The following SEPTIN14 variants were observed in gnomAD, a reference collection of about 807,000 sequenced individuals.
SEPTIN14 encodes septin-14.
In SEPTIN14, 40 loss-of-function variants were observed where a neutral mutation model predicts 53.6. That is an observed-to-expected ratio of 0.75 (90% confidence interval 0.58 to 0.97). The LOEUF (loss-of-function observed/expected upper bound fraction) is 0.97. Among genes scored for constraint, SEPTIN14 ranks in the 50% least tolerant of loss-of-function variants. The pLI is 0.00. For missense variants in SEPTIN14, 471 were observed against 508.2 expected (o/e 0.93, Z 0.70); for synonymous variants, 138 against 166.8 (o/e 0.83, Z 1.33).
At chr7:55,798,575 G>C (rs1788472440) in intron 9 of SEPTIN14, 2 of 383,270 alleles carry the variant, frequency 5.2e-6, no homozygotes, top group African/African-American at 4.2e-5. Context: ...TTCTGAGAAG[G>C]ATGGACGCAG....
chr7:55,840,814 T>C (rs1789297123), intron 5 of SEPTIN14, among the ~76,000 whole-genome samples: 1 of 152,180 alleles, frequency 6.6e-6, no homozygotes, highest in Admixed American at 6.6e-5. Context: ...TAATGGCATT[T>C]CAGTAAATGA....
Position 55,804,359 on chromosome 7 carries a change from A to G in SEPTIN14, c.1119+899T>C, listed in dbSNP as rs188957169. On this transcript the variant is annotated intron_variant, in intron 9 of 9. Transcript: ENST00000388975. ...CTGCAACCTCCACCTACTGGGTTCA[A>G]GCGATTCTCCTACCTCAGCCTCCCG... 7.5e-3 allele frequency among the ~76,000 whole-genome samples: 1,136 copies of G among 151,312 alleles called. 48 individuals are homozygous for G. Among genetic ancestry groups the G allele is most frequent in the Admixed American group, 0.068 (1,026 of 15,122 alleles).
chr7:55,819,561 C>G (rs1373631201), intron 6 of SEPTIN14, among the ~76,000 whole-genome samples: 3 of 152,116 alleles, frequency 2.0e-5, no homozygotes, highest in African/African-American at 7.2e-5. Context: ...TGCACCCCAG[C>G]CTGGGCAACA....
chr7:55,804,166 A>G (rs1788573138), intron 9 of SEPTIN14, among the ~76,000 whole-genome samples: 1 of 144,012 alleles, frequency 6.9e-6, no homozygotes, highest in Non-Finnish European at 1.5e-5. Flanking sequence ...AAAAGTCTTC[A>G]TGAGATCCAG....
rs1788406502 is a variant in SEPTIN14, at chr7:55,795,085, A to G, written c.*828T>C. Reference sequence around the variant, plus strand: ...TCAGTTTTAAGTCTGACACAAAAGCATGGGAGTTCTTATCAAATTCCAACC... The same window carrying G: ...TCAGTTTTAAGTCTGACACAAAAGCGTGGGAGTTCTTATCAAATTCCAACC... On this transcript the variant is annotated 3_prime_UTR_variant, in exon 10 of 10. Coordinates refer to ENST00000388975, the MANE Select transcript of SEPTIN14 (RefSeq NM_207366.3). The G allele has an allele frequency of 2.0e-5, 3 of 152,234 alleles. No homozygotes were observed. Among genetic ancestry groups the G allele is most frequent in the Admixed American group, 2.0e-4 (3 of 15,272 alleles). The allele number at this position is 152,234 out of a possible 1,614,324, so 9.4% of individuals were successfully genotyped here.
chr7:55,804,202 T>C (rs1261189192), intron 9 of SEPTIN14, among the ~76,000 whole-genome samples: 1 of 148,920 alleles, frequency 6.7e-6, no homozygotes, highest in East Asian at 2.0e-4. Context: ...TTAGATGTCA[T>C]GACGTACCCT....
At chr7:55,856,399 G>A (rs1003905891) in intron 2 of SEPTIN14, among the ~76,000 whole-genome samples, 5 of 147,818 alleles carry the variant, frequency 3.4e-5, no homozygotes, top group South Asian at 2.1e-4. Flanking sequence ...CCACTTTTTC[G>A]TTTTTTTTTT....
rs554336617 is a variant in SEPTIN14, at chr7:55,839,907, G to A, written c.558+3035C>T. Among the ~76,000 whole-genome samples the A allele has an allele frequency of 2.0e-5, 3 of 152,250 alleles. No individual in the cohort carries two copies. In the South Asian group the frequency reaches 6.2e-4, roughly 32 times the overall value. Reference sequence around the variant, plus strand: ...CGCCTGTAATCCCAGCACTTTGGGAGGCCGAGGTGGGCAGATCACCTGAGA... The same window carrying A: ...CGCCTGTAATCCCAGCACTTTGGGAAGCCGAGGTGGGCAGATCACCTGAGA... On this transcript the variant is annotated intron_variant, in intron 5 of 9. Transcript: ENST00000388975.
intron 9 of SEPTIN14, among the ~76,000 whole-genome samples, chr7:55,797,284 T>TA (rs1788447454): frequency 6.6e-6 from 1 of 152,194 alleles, no homozygotes; most frequent in Non-Finnish European, 1.5e-5. Flanking sequence ...GGGAAAGATT[T>TA]AGACATCCAA....
At chr7:55,817,231 C>T (rs918301778) in intron 7 of SEPTIN14, among the ~76,000 whole-genome samples, 2 of 152,108 alleles carry the variant, frequency 1.3e-5, no homozygotes, top group Non-Finnish European at 1.5e-5. Context: ...GATGACTTTA[C>T]ACTAAGTGAA....
Position 55,795,462 on chromosome 7 carries a change from CTTTTTTTT to C in SEPTIN14, c.*443_*450del, listed in dbSNP as rs1034552678. On this transcript the variant is annotated 3_prime_UTR_variant, in exon 10 of 10. Coordinates refer to ENST00000388975, the MANE Select transcript of SEPTIN14 (RefSeq NM_207366.3). ...AGGATCTGCCTTCTGGGAGTTCATA[CTTTTTTTT>C]TTTTTTTTTTTTTTGAGGCGGAGTT... is the stretch of plus-strand genomic sequence containing the variant. 1.7e-5 allele frequency: 2 copies of C among 117,930 alleles called. No homozygotes were observed. Among genetic ancestry groups the C allele is most frequent in the East Asian group, 2.6e-4 (1 of 3,872 alleles). 7.3% of individuals were successfully genotyped at this position (117,930 alleles called of 1,614,324 possible).
Position 55,848,733 on chromosome 7 carries a change from G to A in SEPTIN14, c.55-2096C>T, listed in dbSNP as rs948887635. 8.9e-4 allele frequency among the ~76,000 whole-genome samples: 134 copies of A among 149,760 alleles called. 1 individual carries two copies. Among genetic ancestry groups the A allele is most frequent in the African/African-American group, 2.8e-3 (113 of 40,692 alleles). On this transcript the variant is annotated intron_variant, in intron 2 of 9. Transcript: ENST00000388975. ...CGCCATTCTCCTGCCTCAGCCTCCC[G>A]AGTAGCTGGGACTACAGGCACCTGC...
intron 6 of SEPTIN14, among the ~76,000 whole-genome samples, chr7:55,823,948 T>C (rs1263006389): frequency 6.6e-6 from 1 of 150,760 alleles, no homozygotes; most frequent in African/African-American, 2.4e-5. Context: ...TGGAGTGCAG[T>C]GGTGCAATCC....
At chr7:55,808,612 T>G (rs1028127043) in intron 7 of SEPTIN14, among the ~76,000 whole-genome samples, 1 of 152,192 alleles carries the variant, frequency 6.6e-6, no homozygotes, top group Non-Finnish European at 1.5e-5. Flanking sequence ...AGTGCAGCAG[T>G]GCGACCTCAG....
chr7:55,807,015 C>A, intron 8 of SEPTIN14, 75 bp downstream of exon 8: 1 of 1,048,496 alleles, frequency 9.5e-7, no homozygotes. Flanking sequence ...ATTCTCATAT[C>A]CAAATTATCA....
chr7:55,834,704 A>G (rs1789173296), intron 5 of SEPTIN14, 118 bp from the exon 6 acceptor site: 7 of 699,346 alleles, frequency 1.0e-5, no homozygotes, highest in South Asian at 2.0e-5. Flanking sequence ...GTGCAGGGGC[A>G]CGATCTCGGC....
At chr7:55,813,592 T>C (rs1788742491) in intron 7 of SEPTIN14, among the ~76,000 whole-genome samples, 1 of 152,030 alleles carries the variant, frequency 6.6e-6, no homozygotes, top group Non-Finnish European at 1.5e-5. Context: ...AAGAGAACTT[T>C]ATCTTACAAC....
At position 55,844,593 on chromosome 7, in the gene SEPTIN14, T is replaced by C; in HGVS notation, c.301A>G (p.Ser101Gly). Residue 101 changes from serine (S) to glycine (G), a missense_variant, in exon 4 of 10, where the codon AGC becomes GGC. Coordinates refer to ENST00000388975, the MANE Select transcript of SEPTIN14 (RefSeq NM_207366.3). ...LQIQTYELQE[S>G]NVQLKLTVVE... ...ACAGTCAATTTCAACTGAACATTGC[T>C]TTCCTGAAGTTCATATGTCTGAATT... is the stretch of plus-strand genomic sequence containing the variant. 1 of 1,610,006 alleles carries C rather than the reference T, an allele frequency of 6.2e-7. No homozygotes were observed. Among genetic ancestry groups the C allele is most frequent in the Non-Finnish European group, 8.5e-7 (1 of 1,177,080 alleles).
intron 9 of SEPTIN14, 109 bp from the exon 10 acceptor site, chr7:55,796,201 A>G: frequency 1.4e-6 from 1 of 692,180 alleles, no homozygotes; most frequent in Non-Finnish European, 2.5e-6. Context: ...ACAGTAGAGC[A>G]TGATCTTAAT....
Sources: allele counts gnomAD v4.1 joint callset (sites outside exome capture counted in the v4.1 genomes callset), GRCh38; gene constraint gnomAD v4.1.1; transcripts MANE v1.5; gene names NCBI Gene and HGNC (gene_info 2026-07-23, HGNC 2026-07-21).